Variants in GPATCH2 observed in about 807,000 individuals in gnomAD.
GPATCH2 encodes G patch domain-containing protein 2.
In GPATCH2, 51 loss-of-function variants were observed where a neutral mutation model predicts 58.0. That is an observed-to-expected ratio of 0.88 (90% confidence interval 0.70 to 1.11). GPATCH2 has a LOEUF of 1.11. Among genes scored for constraint, GPATCH2 ranks in the 50% most tolerant of loss-of-function variants. GPATCH2 has a pLI of 0.00. For missense variants in GPATCH2, 625 were observed against 652.2 expected (o/e 0.96, Z 0.45); for synonymous variants, 222 against 218.5 (o/e 1.02, Z -0.14).
intron 5 of GPATCH2, among the ~76,000 whole-genome samples, chr1:217,535,515 A>G (rs149452045): frequency 1.3e-3 from 205 of 152,146 alleles, no homozygotes; most frequent in African/African-American, 4.9e-3. Flanking sequence ...ACGCCTGGCT[A>G]ATTTGTTTTA....
intron 5 of GPATCH2, chr1:217,609,014 T>C (rs1262485274): frequency 3.3e-5 from 31 of 939,916 alleles, no homozygotes; most frequent in Non-Finnish European, 3.6e-5. Flanking sequence ...TCCAATCATA[T>C]TTAAGTTAGC....
chr1:217,450,257 C>A (rs1659599353), intron 8 of GPATCH2, among the ~76,000 whole-genome samples: 1 of 151,904 alleles, frequency 6.6e-6, no homozygotes, highest in Non-Finnish European at 1.5e-5. Flanking sequence ...AACCCATGTT[C>A]TTTTAGTAAG....
chr1:217,537,043 G>A (rs1664510442), intron 5 of GPATCH2, among the ~76,000 whole-genome samples: 1 of 152,102 alleles, frequency 6.6e-6, no homozygotes, highest in Non-Finnish European at 1.5e-5. Context: ...TTAAGTCATT[G>A]GACCTAGATT....
At chr1:217,513,416 T>C (rs1662953505) in intron 6 of GPATCH2, among the ~76,000 whole-genome samples, 1 of 152,202 alleles carries the variant, frequency 6.6e-6, no homozygotes, top group Admixed American at 6.5e-5. Context: ...ATAATCTCTA[T>C]TTTATATTTG....
chr1:217,497,083 T>G (rs1457958142), intron 7 of GPATCH2, among the ~76,000 whole-genome samples: 1 of 152,166 alleles, frequency 6.6e-6, no homozygotes, highest in Non-Finnish European at 1.5e-5. Flanking sequence ...GTCTAAAACC[T>G]AGATTTATAA....
At chr1:217,470,964 C>T (rs1406604865) in intron 8 of GPATCH2, among the ~76,000 whole-genome samples, 1 of 151,910 alleles carries the variant, frequency 6.6e-6, no homozygotes, top group Non-Finnish European at 1.5e-5. Flanking sequence ...ATTTTTCTAT[C>T]TGAAAGGCTA....
intron 5 of GPATCH2, among the ~76,000 whole-genome samples, chr1:217,585,631 C>T (rs1018104717): frequency 6.6e-6 from 1 of 151,874 alleles, no homozygotes; most frequent in African/African-American, 2.4e-5. Flanking sequence ...AAAATAATAA[C>T]AATATAAAAA....
At chr1:217,514,129 C>A (rs546156294) in intron 6 of GPATCH2, among the ~76,000 whole-genome samples, 1 of 144,230 alleles carries the variant, frequency 6.9e-6, no homozygotes, top group Non-Finnish European at 1.5e-5. Flanking sequence ...GCCTGGCCCC[C>A]CCGCAAAAAA....
chr1:217,461,446 C>G (rs1482647267), intron 8 of GPATCH2, among the ~76,000 whole-genome samples: 1 of 152,136 alleles, frequency 6.6e-6, no homozygotes, highest in Non-Finnish European at 1.5e-5. Context: ...ACTGTATATT[C>G]CTTGAAGGCA....
Position 217,430,858 on chromosome 1 carries a change from T to G in GPATCH2, c.*287A>C. The G allele has an allele frequency of 4.5e-6, 2 of 442,438 alleles. No individual in the cohort carries two copies. Among genetic ancestry groups the G allele is most frequent in the South Asian group, 5.1e-5 (2 of 39,316 alleles). The allele number at this position is 442,438 out of a possible 1,614,324, so 27.4% of individuals were successfully genotyped here. A position where few individuals can be genotyped will look rare whatever the true frequency, so the allele number is the denominator to read the frequency against. On this transcript the variant is annotated 3_prime_UTR_variant, in exon 10 of 10. Coordinates refer to ENST00000366935, the MANE Select transcript of GPATCH2 (RefSeq NM_018040.5). ...GAATTAAGCAAAGCATCGGAAAGTATTGACACATGAGACTAAAATAAATAA... is the reference window on the plus strand; with the variant it reads ...GAATTAAGCAAAGCATCGGAAAGTAGTGACACATGAGACTAAAATAAATAA...
At chr1:217,485,833 T>A (rs550297977) in intron 8 of GPATCH2, among the ~76,000 whole-genome samples, 1 of 152,256 alleles carries the variant, frequency 6.6e-6, no homozygotes, top group South Asian at 2.1e-4. Flanking sequence ...AGTAAAAATA[T>A]GGTATTGTAA....
chr1:217,475,846 G>C (rs1180704287), intron 8 of GPATCH2, among the ~76,000 whole-genome samples: 1 of 152,098 alleles, frequency 6.6e-6, no homozygotes, highest in African/African-American at 2.4e-5. Context: ...GAAAGCTGAA[G>C]AAAAATAATG....
chr1:217,593,353 G>A (rs1238313485), intron 5 of GPATCH2, among the ~76,000 whole-genome samples: 5 of 151,826 alleles, frequency 3.3e-5, no homozygotes, highest in Admixed American at 6.6e-5. Flanking sequence ...TTTATTGGGC[G>A]GGAAGATGCA....
chr1:217,561,572 C>G (rs910462549), intron 5 of GPATCH2, among the ~76,000 whole-genome samples: 10 of 152,144 alleles, frequency 6.6e-5, no homozygotes, highest in Non-Finnish European at 1.3e-4. Context: ...TCTTTTCAAA[C>G]TTTGATTTGT....
At chr1:217,514,966 A>G (rs1272309926) in intron 5 of GPATCH2, 77 bp from the exon 6 acceptor site, 2 of 717,790 alleles carry the variant, frequency 2.8e-6, no homozygotes, top group South Asian at 3.0e-5. Flanking sequence ...TGATATATCA[A>G]TTTGAAGACA....
At chr1:217,448,915 GTTAT>G (rs1659518922) in intron 9 of GPATCH2, among the ~76,000 whole-genome samples, 1 of 152,082 alleles carries the variant, frequency 6.6e-6, no homozygotes. Context: ...CTCTTCTGGG[GTTAT>G]TTGTCATTTC....
intron 5 of GPATCH2, among the ~76,000 whole-genome samples, chr1:217,581,708 T>C (rs933386548): frequency 6.6e-6 from 1 of 152,160 alleles, no homozygotes; most frequent in African/African-American, 2.4e-5. Context: ...ATTCTAGCAC[T>C]TTGGGAGGCT....
intron 8 of GPATCH2, among the ~76,000 whole-genome samples, chr1:217,475,729 CA>C (rs1437018008): frequency 1.3e-5 from 2 of 152,072 alleles, no homozygotes; most frequent in Admixed American, 6.5e-5. Context: ...AAAAAATTTT[CA>C]AACTGGAATT....
intron 8 of GPATCH2, among the ~76,000 whole-genome samples, chr1:217,485,282 A>G (rs558546674): frequency 2.0e-5 from 3 of 152,292 alleles, no homozygotes; most frequent in East Asian, 1.9e-4. Context: ...GCCCATCTGC[A>G]TAAGAGAGAT....
Sources: allele counts gnomAD v4.1 joint callset (sites outside exome capture counted in the v4.1 genomes callset), GRCh38; gene constraint gnomAD v4.1.1; transcripts MANE v1.5; gene names NCBI Gene and HGNC (gene_info 2026-07-23, HGNC 2026-07-21).